UPRT: variants seen among roughly 807,000 people sequenced by gnomAD.
The protein encoded by UPRT is RP11-311P8.3.
A neutral mutation model predicts 22.6 loss-of-function variants in UPRT; 5 were observed. That is an observed-to-expected ratio of 0.22 (90% confidence interval 0.12 to 0.47). The LOEUF is 0.47. Among genes scored for constraint, UPRT ranks in the 20% least tolerant of loss-of-function variants. The pLI, the probability that UPRT is intolerant of heterozygous loss-of-function variation, is 0.99. For synonymous variants in UPRT, 77 were observed against 87.7 expected (o/e 0.88, Z 0.68); for missense variants, 181 against 239.9 (o/e 0.75, Z 1.62).
intron 1 of UPRT, among the ~76,000 whole-genome samples, chrX:75,157,495 A>G (rs1462598937): frequency 1.8e-5 from 2 of 112,241 alleles, no homozygotes; most frequent in Non-Finnish European, 3.8e-5. Context: ...GAGTCTATGG[A>G]GTTTGGGAAA....
At chrX:75,291,356 A>G (rs867810737) in intron 1 of UPRT, 3 of 308,726 alleles carry the variant, frequency 9.7e-6, no homozygotes, top group Non-Finnish European at 1.8e-5. Flanking sequence ...ATTTGGAACT[A>G]TTATCAGATA....
At chrX:75,236,023 A>T (rs1041313660) in intron 4 of UPRT, among the ~76,000 whole-genome samples, 21 of 111,175 alleles carry the variant, frequency 1.9e-4, no homozygotes, top group African/African-American at 5.2e-4. Context: ...TGTTTGCAGA[A>T]GACATGATTG....
At chrX:75,292,340 A>T (rs1487046555) in intron 1 of UPRT, among the ~76,000 whole-genome samples, 2 of 111,768 alleles carry the variant, frequency 1.8e-5, no homozygotes, top group Admixed American at 1.9e-4. Context: ...GTATGTGTGG[A>T]TAGAGTTTTC....
chrX:75,206,791 C>T lies in UPRT; in HGVS notation c.-447+38912C>T, dbSNP rs148308099. ...GCCATTCTCCTGTCTCAGCCTCCCA[C>T]GTAGCTGGGACTACAGGTGCCCACC... On this transcript the variant is annotated intron_variant, in intron 4 of 13. Coordinates refer to the UPRT transcript ENST00000652605. Among the ~76,000 whole-genome samples, 654 of 111,121 alleles carry T rather than the reference C, an allele frequency of 5.9e-3. 5 individuals carry two copies. Among genetic ancestry groups the T allele is most frequent in the African/African-American group, 0.021 (627 of 30,538 alleles).
In UPRT at chrX:75,180,681, G is replaced by GTTTTTTTTTTTTTTTTTTTTTTTTTTTT. The variant is rs59522302; in HGVS notation, c.-447+12815_-447+12816insTTTTTTTTTTTTTTTTTTTTTTTTTTTT. Reference sequence around the variant, plus strand: ...GTCTTCCATCTTCCCCCTTTTCTCTGTTTTTTTTTTTTTGTTTTTTTTTTT... The same window carrying GTTTTTTTTTTTTTTTTTTTTTTTTTTTT: ...GTCTTCCATCTTCCCCCTTTTCTCTGTTTTTTTTTTTTTTTTTTTTTTTTTTTTTTTTTTTTTTTTTGTTTTTTTTTTT... On this transcript the variant is annotated intron_variant, in intron 4 of 13. Transcript: ENST00000652605. Among the ~76,000 whole-genome samples, 6 of 43,895 alleles carry GTTTTTTTTTTTTTTTTTTTTTTTTTTTT rather than the reference G, an allele frequency of 1.4e-4. 1 individual carries two copies. Among genetic ancestry groups the GTTTTTTTTTTTTTTTTTTTTTTTTTTTT allele is most frequent in the African/African-American group, 3.7e-4 (4 of 10,880 alleles). The allele number at this position is 43,895 out of a possible 115,157, so 38.1% of individuals were successfully genotyped here. A position where few individuals can be genotyped will look rare whatever the true frequency, so the allele number is the denominator to read the frequency against.
At chrX:75,239,934 A>T (rs755656560) in intron 4 of UPRT, among the ~76,000 whole-genome samples, 1 of 111,566 alleles carries the variant, frequency 9.0e-6, no homozygotes, top group Non-Finnish European at 1.9e-5. Flanking sequence ...CTGGCATAAA[A>T]GGGACATACC....
intron 4 of UPRT, among the ~76,000 whole-genome samples, chrX:75,218,240 C>T (rs1428050732): frequency 3.6e-5 from 4 of 111,113 alleles, no homozygotes; most frequent in East Asian, 5.7e-4. Flanking sequence ...CATGAACAGA[C>T]ACTTCTCAAA....
chrX:75,259,771 C>A (rs1242904032), intron 4 of UPRT, among the ~76,000 whole-genome samples: 1 of 110,831 alleles, frequency 9.0e-6, no homozygotes, highest in African/African-American at 3.3e-5. Flanking sequence ...CACAAAGATA[C>A]TCCTCGAGAA....
rs1036278564 is a variant in UPRT at position 75,255,530 on chromosome X, G to C, written c.-446-35494G>C. On this transcript the variant is annotated intron_variant, in intron 4 of 13. Transcript: ENST00000652605. ...ACATCTCAATACTAACATTGAATTGGAGTGACCTAAATGCTCCACTTAGAA... is the reference window on the plus strand; with the variant it reads ...ACATCTCAATACTAACATTGAATTGCAGTGACCTAAATGCTCCACTTAGAA... 3.6e-5 allele frequency among the ~76,000 whole-genome samples: 4 copies of C among 111,668 alleles called. No individual in the cohort carries two copies. The Admixed American group carries it at 3.8e-4, about 11-fold the overall frequency.
In UPRT at chrX:75,304,517, A is replaced by G. The variant is rs1429981255; in HGVS notation, c.*1006A>G. On this transcript the variant is annotated 3_prime_UTR_variant, in exon 7 of 7. Transcript: ENST00000373383. ...GGCTTCTGAAAGGGAGAGAAATCAT[A>G]TTGGAAATCAGTGTTGGTGTTCTGA... 8.9e-6 allele frequency: 1 copy of G among 111,877 alleles called. No individual in the cohort carries two copies. Among genetic ancestry groups the G allele is most frequent in the Non-Finnish European group, 1.9e-5 (1 of 53,196 alleles). 9.2% of individuals were successfully genotyped at this position (111,877 alleles called of 1,213,427 possible).
chrX:75,177,042 T>C (rs887322499), intron 4 of UPRT, among the ~76,000 whole-genome samples: 4 of 111,218 alleles, frequency 3.6e-5, no homozygotes, highest in Non-Finnish European at 7.5e-5. Flanking sequence ...GTGTTTCCCA[T>C]CTGAAAGACA....
chrX:75,282,723 A>G (rs1459347387), intron 1 of UPRT, among the ~76,000 whole-genome samples: 1 of 111,523 alleles, frequency 9.0e-6, no homozygotes, highest in African/African-American at 3.3e-5. Flanking sequence ...AGTTCCATGC[A>G]CTGTTGAATA....
upstream of UPRT, among the ~76,000 whole-genome samples, chrX:75,272,532 T>C (rs2082614773): frequency 1.9e-5 from 2 of 107,180 alleles, no homozygotes; most frequent in Admixed American, 1.0e-4. Context: ...AGCTTAGCTA[T>C]GATGGATACA....
intron 4 of UPRT, among the ~76,000 whole-genome samples, chrX:75,205,383 C>CAAAA (rs55819232): frequency 8.1e-4 from 31 of 38,165 alleles, no homozygotes; most frequent in South Asian, 4.3e-3. Context: ...GACTCCGTCT[C>CAAAA]AAAAAAAAAA....
chrX:75,260,652 C>T (rs755306277), intron 4 of UPRT, among the ~76,000 whole-genome samples: 32 of 111,368 alleles, frequency 2.9e-4, no homozygotes, highest in Non-Finnish European at 4.9e-4. Context: ...ACAATAATAA[C>T]GGGAGACTTT....
intron 4 of UPRT, among the ~76,000 whole-genome samples, chrX:75,223,387 G>A (rs996622001): frequency 1.8e-5 from 2 of 111,103 alleles, no homozygotes; most frequent in African/African-American, 6.5e-5. Flanking sequence ...GAGTTTACTG[G>A]CTTCAAGCTC....
rs186656276 is a variant in UPRT, at chrX:75,188,697, C to T, written c.-447+20818C>T. 6.8e-4 allele frequency among the ~76,000 whole-genome samples: 77 copies of T among 112,740 alleles called. 1 individual carries two copies. Among genetic ancestry groups the T allele is most frequent in the African/African-American group, 2.4e-3 (74 of 31,103 alleles). On this transcript the variant is annotated intron_variant, in intron 4 of 13. Coordinates refer to the UPRT transcript ENST00000652605. ...GAGACTTCGTGGGCGTAGGACCCTC[C>T]GAACCATGTGTGGGACACAATCTCC...
chrX:75,213,176 A>G (rs2082384283), intron 4 of UPRT, among the ~76,000 whole-genome samples: 1 of 112,165 alleles, frequency 8.9e-6, no homozygotes, highest in Admixed American at 9.5e-5. Flanking sequence ...CTGACTTAAT[A>G]ACTCACACAT....
chrX:75,243,675 A>G (rs2082495225), intron 4 of UPRT, among the ~76,000 whole-genome samples: 1 of 111,649 alleles, frequency 9.0e-6, no homozygotes, highest in Non-Finnish European at 1.9e-5. Flanking sequence ...AATGTTTTCT[A>G]TGAAAGTGAA....
Sources: allele counts gnomAD v4.1 joint callset (sites outside exome capture counted in the v4.1 genomes callset), GRCh38; gene constraint gnomAD v4.1.1; transcripts MANE v1.5; gene names NCBI Gene and HGNC (gene_info 2026-07-23, HGNC 2026-07-21).